Variants in ALCAM observed in about 807,000 individuals in gnomAD.
The protein encoded by ALCAM is activated leukocyte cell adhesion molecule.
ALCAM carries 30 observed loss-of-function variants against 70.9 expected under a neutral mutation model. That is an observed-to-expected ratio of 0.42 (90% confidence interval 0.32 to 0.57). The LOEUF (loss-of-function observed/expected upper bound fraction) is 0.57, where lower values mean the gene tolerates loss of function less well. Among genes scored for constraint, ALCAM ranks in the 20% least tolerant of loss-of-function variants. The probability of loss-of-function intolerance (pLI) is 0.11; values close to 1 mark genes in which losing one functional copy is unlikely to be tolerated. For missense variants in ALCAM, 591 were observed against 695.1 expected, an observed-to-expected ratio of 0.85 and a Z score of 1.68; for synonymous variants, 249 against 242.5, an observed-to-expected ratio of 1.03 and a Z score of -0.25.
intron 3 of ALCAM, chr3:105,525,269 A>T: frequency 1.0e-6 from 1 of 984,450 alleles, no homozygotes; most frequent in Non-Finnish European, 1.2e-6. Flanking sequence ...AATTATAGTC[A>T]CTATGACAAA....
intron 1 of ALCAM, among the ~76,000 whole-genome samples, chr3:105,447,470 A>G (rs1937327202): frequency 6.6e-6 from 1 of 152,228 alleles, no homozygotes; most frequent in African/African-American, 2.4e-5. Context: ...AGGCCAAGGC[A>G]AGTGGATGGC....
rs531582896 is a variant in ALCAM, at chr3:105,484,712, A to T, written c.74-35355A>T. The stretch of plus-strand genomic sequence containing the variant: ...AGACGACAGAAGAGGAATCATTAAC[A>T]TCCAAAGGCATTTTTACACTGTGAT... On this transcript the variant is annotated intron_variant, in intron 1 of 15. Transcript: ENST00000306107. Among the ~76,000 whole-genome samples the T allele has an allele frequency of 3.4e-4, 52 of 152,228 alleles. 1 individual carries two copies. The highest frequency in any genetic ancestry group is 3.2e-3 in the Admixed American group (49 of 15,272).
chr3:105,520,057 TCCCCCAA>T lies in ALCAM; in HGVS notation c.74-9_74-3del. The T allele has an allele frequency of 6.8e-7, 1 of 1,463,246 alleles. No homozygotes were observed. The highest frequency in any genetic ancestry group is 9.3e-7 in the Non-Finnish European group (1 of 1,077,330). 90.6% of individuals were successfully genotyped at this position (1,463,246 alleles called of 1,614,324 possible). A position where few individuals can be genotyped will look rare whatever the true frequency, so the allele number is the denominator to read the frequency against. On this transcript the variant is annotated splice_polypyrimidine_tract_variant and splice_region_variant and intron_variant, in intron 1 of 15. Coordinates refer to ENST00000306107, the MANE Select transcript of ALCAM (RefSeq NM_001627.4). Reference sequence around the variant, plus strand: ...TTTCTCTCTTCTTCCTTTTTTTTTTTCCCCCAAAGGCCTTGGATGGTATACTGTAAAT... The same window carrying T: ...TTTCTCTCTTCTTCCTTTTTTTTTTTAGGCCTTGGATGGTATACTGTAAAT...
intron 1 of ALCAM, among the ~76,000 whole-genome samples, chr3:105,426,394 T>C (rs931268389): frequency 2.4e-4 from 36 of 152,134 alleles, no homozygotes; most frequent in African/African-American, 8.4e-4. Flanking sequence ...GTATGTACCA[T>C]ATTTATGGCA....
intron 8 of ALCAM, among the ~76,000 whole-genome samples, chr3:105,543,588 A>G (rs775686732): frequency 6.6e-6 from 1 of 151,678 alleles, no homozygotes; most frequent in African/African-American, 2.4e-5. Context: ...ATTCTTGCAC[A>G]TGTTTGCAGA....
intron 1 of ALCAM, among the ~76,000 whole-genome samples, chr3:105,510,127 A>G (rs1296592883): frequency 1.3e-5 from 2 of 152,086 alleles, no homozygotes; most frequent in African/African-American, 4.8e-5. Flanking sequence ...CCTATGCAAG[A>G]AAAAATGAGG....
In ALCAM at chr3:105,387,425, TA is replaced by T. The variant is rs869108100; in HGVS notation, c.73+19955del. 7.8e-4 allele frequency among the ~76,000 whole-genome samples: 113 copies of T among 145,654 alleles called. 2 individuals are homozygous for T. Among genetic ancestry groups the T allele is most frequent in the Non-Finnish European group, 9.0e-4 (59 of 65,642 alleles). On this transcript the variant is annotated intron_variant, in intron 1 of 15. Coordinates refer to ENST00000306107, the MANE Select transcript of ALCAM (RefSeq NM_001627.4). ...AAGGATACAGAAGGTACTACTAACT[TA>T]AAAAAAAAAACATTGATTCTCACAG...
At chr3:105,527,347 A>G (rs1939731001) in intron 3 of ALCAM, among the ~76,000 whole-genome samples, 1 of 152,060 alleles carries the variant, frequency 6.6e-6, no homozygotes, top group Non-Finnish European at 1.5e-5. Context: ...CACCAGGAGA[A>G]CTTACTTTAT....
intron 3 of ALCAM, among the ~76,000 whole-genome samples, chr3:105,530,088 G>A (rs994366430): frequency 1.3e-5 from 2 of 151,848 alleles, no homozygotes; most frequent in African/African-American, 2.4e-5. Flanking sequence ...CATTGGCCAC[G>A]TAAATTAACT....
intron 1 of ALCAM, among the ~76,000 whole-genome samples, chr3:105,400,243 G>T (rs1322425898): frequency 3.9e-5 from 6 of 152,116 alleles, no homozygotes; most frequent in Non-Finnish European, 2.9e-5. Context: ...TGTGGGTAAA[G>T]TATTTGAAAG....
chr3:105,451,752 T>C (rs1018986755), intron 1 of ALCAM, among the ~76,000 whole-genome samples: 5 of 152,194 alleles, frequency 3.3e-5, no homozygotes, highest in African/African-American at 1.2e-4. Context: ...AATAAATCCT[T>C]CACTATTTTA....
intron 1 of ALCAM, among the ~76,000 whole-genome samples, chr3:105,516,370 T>C (rs568814439): frequency 3.9e-5 from 6 of 152,022 alleles, no homozygotes; most frequent in Non-Finnish European, 8.8e-5. Flanking sequence ...GAGTCTGTTT[T>C]CAGTGCCTCT....
At chr3:105,432,178 A>G (rs950405433) in intron 1 of ALCAM, among the ~76,000 whole-genome samples, 2 of 152,190 alleles carry the variant, frequency 1.3e-5, no homozygotes, top group African/African-American at 2.4e-5. Context: ...GTTATTGACA[A>G]TTGCAAAATA....
At chr3:105,422,271 T>C (rs1013888919) in intron 1 of ALCAM, among the ~76,000 whole-genome samples, 2 of 151,472 alleles carry the variant, frequency 1.3e-5, no homozygotes, top group South Asian at 2.1e-4. Flanking sequence ...TTCCATATCC[T>C]TGTAATTGTG....
In ALCAM at chr3:105,552,409, A is replaced by G. The variant is rs1235320342; in HGVS notation, c.1547-59A>G. ...TTAATACAAAGTAATAGCTAGATTG[A>G]CTTTCTGAAAATCCTTGGCATTGTC... On this transcript the variant is annotated intron_variant, in intron 13 of 15. Transcript: ENST00000306107. 3 of 1,528,036 alleles carry G rather than the reference A, an allele frequency of 2.0e-6. No individual in the cohort carries two copies. The Admixed American group carries it at 5.0e-5, about 26-fold the overall frequency. 94.7% of individuals were successfully genotyped at this position (1,528,036 alleles called of 1,614,324 possible). A position where few individuals can be genotyped will look rare whatever the true frequency, so the allele number is the denominator to read the frequency against.
chr3:105,386,058 T>C (rs983776159), intron 1 of ALCAM, among the ~76,000 whole-genome samples: 1 of 151,562 alleles, frequency 6.6e-6, no homozygotes, highest in East Asian at 1.9e-4. Flanking sequence ...ACTTAGGCAT[T>C]GGTGGGCCTG....
chr3:105,459,786 C>G (rs968805252), intron 1 of ALCAM, among the ~76,000 whole-genome samples: 2 of 151,966 alleles, frequency 1.3e-5, no homozygotes, highest in African/African-American at 4.8e-5. Context: ...TTAATAAAGA[C>G]ATTTAAAGAA....
intron 1 of ALCAM, among the ~76,000 whole-genome samples, chr3:105,511,201 C>T (rs1167727441): frequency 2.0e-5 from 3 of 151,840 alleles, no homozygotes; most frequent in Non-Finnish European, 2.9e-5. Flanking sequence ...CCAGAGTTAC[C>T]CCACTGGGCT....
chr3:105,452,940 T>G (rs1295205172), intron 1 of ALCAM, among the ~76,000 whole-genome samples: 1 of 152,216 alleles, frequency 6.6e-6, no homozygotes, highest in African/African-American at 2.4e-5. Context: ...TCTTGTAAAT[T>G]TGTTTAAGTT....
Sources: allele counts gnomAD v4.1 joint callset (sites outside exome capture counted in the v4.1 genomes callset), GRCh38; gene constraint gnomAD v4.1.1; transcripts MANE v1.5; gene names NCBI Gene and HGNC (gene_info 2026-07-23, HGNC 2026-07-21).